DENND1B: variants seen among roughly 807,000 people sequenced by gnomAD.
DENND1B encodes the protein DENN domain-containing protein 1B.
A neutral mutation model predicts 90.1 loss-of-function variants in DENND1B; 59 were observed. The observed-to-expected ratio is 0.65, with a 90% confidence interval of 0.53 to 0.81. DENND1B has a LOEUF of 0.81. DENND1B is among the 40% of genes least tolerant of loss of function. DENND1B has a pLI of 0.00. For missense variants in DENND1B, 862 were observed against 912.6 expected (o/e 0.94, Z 0.71); for synonymous variants, 337 against 324.6 (o/e 1.04, Z -0.41).
intron 2 of DENND1B, among the ~76,000 whole-genome samples, chr1:197,738,357 A>G (rs1052444582): frequency 6.6e-6 from 1 of 152,232 alleles, no homozygotes; most frequent in African/African-American, 2.4e-5. Context: ...CCAGGTCACA[A>G]CAATTCCCTC....
At chr1:197,751,939 A>G (rs1337664503) in intron 2 of DENND1B, among the ~76,000 whole-genome samples, 11 of 133,802 alleles carry the variant, frequency 8.2e-5, no homozygotes, top group South Asian at 2.9e-4. Context: ...GAAAGAGAAG[A>G]AGGAGGAGGA....
In DENND1B at chr1:197,674,175, A is replaced by T; in HGVS notation, c.127-6T>A. 1 of 1,588,052 alleles carries T rather than the reference A, an allele frequency of 6.3e-7. No homozygotes were observed. The highest frequency in any genetic ancestry group is 8.6e-7 in the Non-Finnish European group (1 of 1,165,610). ...GGCACACTCTGTAGTATTTCCTACA[A>T]ATGGAAATTTCAAAAAAAAGAAATA... is the stretch of plus-strand genomic sequence containing the variant. On this transcript the variant is annotated splice_region_variant and splice_polypyrimidine_tract_variant and intron_variant, in intron 3 of 22. Transcript: ENST00000620048.
At chr1:197,629,985 A>C (rs1679180475) in intron 10 of DENND1B, among the ~76,000 whole-genome samples, 1 of 152,068 alleles carries the variant, frequency 6.6e-6, no homozygotes, top group Admixed American at 6.6e-5. Flanking sequence ...AGGGAAAGGC[A>C]AATTAAAACA....
intron 2 of DENND1B, among the ~76,000 whole-genome samples, chr1:197,768,061 G>C (rs1655918206): frequency 6.6e-6 from 1 of 152,154 alleles, no homozygotes; most frequent in African/African-American, 2.4e-5. Flanking sequence ...GGCTTAAATA[G>C]TACATGAAAA....
intron 20 of DENND1B, among the ~76,000 whole-genome samples, chr1:197,536,155 A>AT (rs1297477723): frequency 0.04 from 3,501 of 88,174 alleles, 162 homozygotes; most frequent in African/African-American, 0.11. Flanking sequence ...AGAGAGAGAG[A>AT]GAGATAGATG....
Position 197,524,406 on chromosome 1 carries a change from G to A in DENND1B, c.1516-11453C>T, listed in dbSNP as rs548439311. Among the ~76,000 whole-genome samples the A allele has an allele frequency of 3.9e-5, 6 of 152,272 alleles. No homozygotes were observed. The South Asian group carries it at 1.2e-3, about 32-fold the overall frequency. ...AATATTTTATAGATCTGAGGGCTAA[G>A]AGGATTAGAGAAGTTAGGAAAGTTA... is the stretch of plus-strand genomic sequence containing the variant. On this transcript the variant is annotated intron_variant, in intron 20 of 22. Coordinates refer to ENST00000620048, the MANE Select transcript of DENND1B (RefSeq NM_001195215.2).
At chr1:197,726,426 A>C (rs1402983308) in intron 2 of DENND1B, among the ~76,000 whole-genome samples, 1 of 152,206 alleles carries the variant, frequency 6.6e-6, no homozygotes, top group Non-Finnish European at 1.5e-5. Context: ...CAACATCATT[A>C]TGAATGGCAG....
intron 7 of DENND1B, among the ~76,000 whole-genome samples, chr1:197,651,379 T>C (rs374520336): frequency 6.6e-6 from 1 of 152,058 alleles, no homozygotes; most frequent in African/African-American, 2.4e-5. Flanking sequence ...GTTTCAATAG[T>C]ACAATAAATA....
intron 10 of DENND1B, among the ~76,000 whole-genome samples, chr1:197,641,059 G>C (rs1389943994): frequency 1.3e-5 from 2 of 152,136 alleles, no homozygotes; most frequent in African/African-American, 4.8e-5. Context: ...TGTAACCCTA[G>C]CTAATAAATA....
chr1:197,718,222 T>C (rs1434398399), intron 2 of DENND1B, among the ~76,000 whole-genome samples: 3 of 151,922 alleles, frequency 2.0e-5, no homozygotes, highest in African/African-American at 7.2e-5. Context: ...CATTCAAAAA[T>C]CTATGCAGTG....
chr1:197,735,625 G>A lies in DENND1B; in HGVS notation c.83-20551C>T, dbSNP rs369822473. ...TGGGGCCATCTTTTCTCCTCCCGTG[G>A]AGCTGCCGCCATGAAGGTCGAGCTA... On this transcript the variant is annotated intron_variant, in intron 2 of 22. Coordinates refer to ENST00000620048, the MANE Select transcript of DENND1B (RefSeq NM_001195215.2). 3.7e-5 allele frequency: 60 copies of A among 1,614,136 alleles called. No individual in the cohort carries two copies. In the African/African-American group the frequency reaches 7.1e-4, roughly 19 times the overall value.
At chr1:197,627,556 A>C (rs1572115535) in intron 10 of DENND1B, among the ~76,000 whole-genome samples, 1 of 152,210 alleles carries the variant, frequency 6.6e-6, no homozygotes, top group South Asian at 2.1e-4. Context: ...TCTATGACAA[A>C]CCCACAGCCA....
chr1:197,537,466 A>G (rs2125647644), intron 20 of DENND1B, among the ~76,000 whole-genome samples: 1 of 152,280 alleles, frequency 6.6e-6, no homozygotes, highest in East Asian at 1.9e-4. Context: ...GTAACCTAAT[A>G]CAATTTTCTC....
chr1:197,687,896 G>A (rs1040119098), intron 3 of DENND1B, among the ~76,000 whole-genome samples: 1 of 152,044 alleles, frequency 6.6e-6, no homozygotes, highest in Non-Finnish European at 1.5e-5. Flanking sequence ...CAGATGACAT[G>A]ACCTTATATG....
At chr1:197,761,788 G>A in intron 2 of DENND1B, 1 of 151,716 alleles carries the variant, frequency 6.6e-6, no homozygotes, top group Non-Finnish European at 1.5e-5. Context: ...TGGTTGTTGT[G>A]TGCTTTTCTT....
At chr1:197,765,504 A>C (rs191882575) in intron 2 of DENND1B, among the ~76,000 whole-genome samples, 204 of 152,368 alleles carry the variant, frequency 1.3e-3, no homozygotes, top group Admixed American at 0.012. Flanking sequence ...AAAACATGAA[A>C]ATTTAGAGAA....
intron 3 of DENND1B, among the ~76,000 whole-genome samples, chr1:197,705,292 C>G (rs1397625773): frequency 6.6e-6 from 1 of 152,054 alleles, no homozygotes; most frequent in Non-Finnish European, 1.5e-5. Context: ...CCATGTAAAG[C>G]TTGATTTCTT....
chr1:197,738,116 C>T (rs1182816245), intron 2 of DENND1B, among the ~76,000 whole-genome samples: 1 of 152,172 alleles, frequency 6.6e-6, no homozygotes, highest in Non-Finnish European at 1.5e-5. Flanking sequence ...CATTTCTTCT[C>T]CTCTCTGTCA....
intron 10 of DENND1B, among the ~76,000 whole-genome samples, chr1:197,619,867 G>C (rs879343227): frequency 3.3e-5 from 5 of 151,156 alleles, no homozygotes; most frequent in Non-Finnish European, 3.0e-5. Context: ...CTGGTAGAGG[G>C]TTATGCCTGC....
Sources: gnomAD v4.1 joint callset for allele counts (sites outside exome capture counted in the v4.1 genomes callset) on GRCh38, gnomAD v4.1.1 for gene constraint, MANE v1.5 for transcripts, NCBI Gene and HGNC (gene_info 2026-07-23, HGNC 2026-07-21) for gene names.